Variants in CUBN observed in about 807,000 individuals in gnomAD.
CUBN encodes the protein 460 kDa receptor.
In CUBN, 282 loss-of-function variants were observed where a neutral mutation model predicts 405.3. The ratio of observed to expected loss-of-function variants is 0.70; its 90% CI spans 0.63 to 0.77. CUBN has a LOEUF of 0.77. Among genes scored for constraint, CUBN ranks in the 30% least tolerant of loss-of-function variants. The pLI, the probability that CUBN is intolerant of heterozygous loss-of-function variation, is 0.00. For missense variants in CUBN, 4,514 were observed against 4,475.2 expected, an observed-to-expected ratio of 1.01 and a Z score of -0.25; for synonymous variants, 1,684 against 1,617.0, an observed-to-expected ratio of 1.04 and a Z score of -0.99.
At chr10:16,829,699 A>T (rs1303352548) in intron 65 of CUBN, among the ~76,000 whole-genome samples, 1 of 152,218 alleles carries the variant, frequency 6.6e-6, no homozygotes, top group Non-Finnish European at 1.5e-5. Flanking sequence ...GGACAGGAAG[A>T]AGCTGGCTGG....
At chr10:17,120,158 C>A (rs377238557) in intron 6 of CUBN, among the ~76,000 whole-genome samples, 70 of 152,304 alleles carry the variant, frequency 4.6e-4, no homozygotes, top group African/African-American at 1.6e-3. Context: ...TCAGTGAATA[C>A]CCTGATTAAC....
chr10:16,897,416 C>T (rs770732069), intron 54 of CUBN, among the ~76,000 whole-genome samples: 1 of 152,128 alleles, frequency 6.6e-6, no homozygotes, highest in Non-Finnish European at 1.5e-5. Flanking sequence ...TTGGTGCTAC[C>T]GGGGCTCTCA....
Position 17,114,200 on chromosome 10 carries a change from G to A in CUBN, c.721-11C>T, listed in dbSNP as rs1836834548. ...GCAGCTGTACTTGGGCTGGCAGGAT[G>A]ACAACAGCGTGAATAAAGACAATCA... On this transcript the variant is annotated splice_polypyrimidine_tract_variant and intron_variant, in intron 7 of 66. Coordinates refer to ENST00000377833, the MANE Select transcript of CUBN (RefSeq NM_001081.4). 2 of 1,613,422 alleles carry A rather than the reference G, an allele frequency of 1.2e-6. No individual in the cohort carries two copies. The highest frequency in any genetic ancestry group is 4.5e-5 in the East Asian group (2 of 44,872).
intron 40 of CUBN, 133 bp downstream of exon 40, chr10:16,932,954 A>G: frequency 1.1e-6 from 1 of 869,628 alleles, no homozygotes; most frequent in Non-Finnish European, 1.9e-6. Context: ...TCTGGTACTG[A>G]TGCCTTCCTT....
Position 17,085,649 on chromosome 10 carries a change from T to A in CUBN, c.2058A>T (p.Ser686=). ...AGCCTTGGTCACTAATCTGGGAGTC[T>A]GAATGGAAGTGAATTCTGGCAAAGG... ...TGPFARIHFH[S]DSQISDQGFH... Residue 686 remains serine, a synonymous_variant, in exon 16 of 67, where the codon TCA becomes TCT. Coordinates refer to ENST00000377833, the MANE Select transcript of CUBN (RefSeq NM_001081.4). The A allele has an allele frequency of 6.2e-7, 1 of 1,614,100 alleles. No homozygotes were observed. The highest frequency in any genetic ancestry group is 1.1e-5 in the South Asian group (1 of 91,074).
chr10:17,025,248 A>T (rs1834627835), intron 27 of CUBN, among the ~76,000 whole-genome samples: 1 of 152,184 alleles, frequency 6.6e-6, no homozygotes, highest in Non-Finnish European at 1.5e-5. Flanking sequence ...AACTATACTC[A>T]ATCAGTTTAT....
intron 48 of CUBN, among the ~76,000 whole-genome samples, chr10:16,912,101 A>C (rs985601952): frequency 1.3e-5 from 2 of 152,214 alleles, no homozygotes; most frequent in East Asian, 1.9e-4. Context: ...AAAAGAAAAC[A>C]CACTTGGTTT....
At chr10:16,996,506 C>G (rs1362710498) in intron 28 of CUBN, among the ~76,000 whole-genome samples, 1 of 152,196 alleles carries the variant, frequency 6.6e-6, no homozygotes, top group African/African-American at 2.4e-5. Flanking sequence ...AAAAGAACTT[C>G]ACTAATATTG....
At chr10:17,070,546 C>T (rs1393328029) in intron 19 of CUBN, among the ~76,000 whole-genome samples, 7 of 151,936 alleles carry the variant, frequency 4.6e-5, no homozygotes, top group South Asian at 2.1e-4. Flanking sequence ...CTTTCAAGGA[C>T]GTTTTATAGT....
At chr10:16,844,616 C>A (rs1251051208) in intron 60 of CUBN, among the ~76,000 whole-genome samples, 1 of 152,212 alleles carries the variant, frequency 6.6e-6, no homozygotes, top group Non-Finnish European at 1.5e-5. Flanking sequence ...TGGCCCCAAG[C>A]TGGTCTTGTG....
chr10:16,892,973 T>C (rs1379035215), intron 54 of CUBN, among the ~76,000 whole-genome samples: 1 of 152,210 alleles, frequency 6.6e-6, no homozygotes, highest in East Asian at 1.9e-4. Flanking sequence ...ATAAGTTTAA[T>C]AATAATGATG....
intron 22 of CUBN, among the ~76,000 whole-genome samples, chr10:17,054,162 C>T (rs1368765874): frequency 1.3e-5 from 2 of 151,844 alleles, no homozygotes; most frequent in Admixed American, 6.6e-5. Context: ...GAAACCCCGT[C>T]TCTACCAAAA....
Position 16,828,982 on chromosome 10 carries a change from G to T in CUBN, c.10587C>A (p.Gly3529=), listed in dbSNP as rs776670418. The T allele has an allele frequency of 1.9e-6, 3 of 1,614,046 alleles. No individual in the cohort carries two copies. The African/African-American group carries it at 4.0e-5, about 22-fold the overall frequency. The change falls in exon 66 of 67, where the codon GGC becomes GGA. Residue 3529 remains glycine, a synonymous_variant. Coordinates refer to ENST00000377833, the MANE Select transcript of CUBN (RefSeq NM_001081.4). The part of the protein sequence containing the change: ...RGSFTSPGYP[G]TYPNNTYCEW... ...CGCAGTACGTGTTGTTTGGGTATGT[G>T]CCTGGATAGCCGGGGCTGGTGAATG...
At chr10:16,966,369 C>T (rs1275507138) in intron 31 of CUBN, among the ~76,000 whole-genome samples, 1 of 152,176 alleles carries the variant, frequency 6.6e-6, no homozygotes, top group Non-Finnish European at 1.5e-5. Context: ...AGATATAAAG[C>T]TCCTCCTTGT....
intron 28 of CUBN, among the ~76,000 whole-genome samples, chr10:17,005,502 A>T (rs1417404100): frequency 6.6e-6 from 1 of 152,214 alleles, no homozygotes; most frequent in African/African-American, 2.4e-5. Context: ...TGCTCTTTGC[A>T]AAACTTTTGT....
chr10:17,034,395 C>T (rs931812231), intron 27 of CUBN, among the ~76,000 whole-genome samples: 6 of 152,168 alleles, frequency 3.9e-5, no homozygotes, highest in Non-Finnish European at 8.8e-5. Context: ...AGTAAGTCCT[C>T]ACTGGAAAGT....
intron 56 of CUBN, among the ~76,000 whole-genome samples, chr10:16,879,064 C>T (rs1019903356): frequency 1.3e-5 from 2 of 152,148 alleles, no homozygotes; most frequent in African/African-American, 4.8e-5. Context: ...GCTTTCAGTT[C>T]CTTTGGGTAT....
intron 22 of CUBN, among the ~76,000 whole-genome samples, chr10:17,053,801 A>T (rs1234905052): frequency 6.6e-6 from 1 of 152,154 alleles, no homozygotes; most frequent in Non-Finnish European, 1.5e-5. Context: ...ATTCAGCAGC[A>T]TAGACCACAT....
chr10:17,023,347 G>C (rs963696655), intron 27 of CUBN, among the ~76,000 whole-genome samples: 4 of 149,730 alleles, frequency 2.7e-5, no homozygotes, highest in Non-Finnish European at 4.4e-5. Context: ...GTCCAATCTA[G>C]TAATAAATGT....
Sources: allele counts gnomAD v4.1 joint callset (sites outside exome capture counted in the v4.1 genomes callset), GRCh38; gene constraint gnomAD v4.1.1; transcripts MANE v1.5; gene names NCBI Gene and HGNC (gene_info 2026-07-23, HGNC 2026-07-21).